OPN3: variants seen among roughly 807,000 people sequenced by gnomAD.
OPN3 encodes opsin-3.
Under a neutral mutation model 33.8 loss-of-function variants are expected in OPN3, and 29 were observed. That is an observed-to-expected ratio of 0.86 (90% CI 0.64 to 1.17). The LOEUF is 1.17. Ranked by LOEUF, OPN3 falls within the 50% of genes most tolerant of loss-of-function variation. The pLI is 0.00. For missense variants in OPN3, 437 were observed against 514.1 expected (o/e 0.85, Z 1.45); for synonymous variants, 216 against 216.1 (o/e 1.00, Z 0.00).
intron 2 of OPN3, among the ~76,000 whole-genome samples, chr1:241,599,967 T>C (rs1663637614): frequency 6.6e-6 from 1 of 152,216 alleles, no homozygotes. Context: ...TCTGGAATCA[T>C]TATTGACTCT....
Position 241,635,016 on chromosome 1 carries a change from A to G in OPN3, c.373+4866T>C. 3 of 1,613,480 alleles carry G rather than the reference A, an allele frequency of 1.9e-6. No individual in the cohort carries two copies. The South Asian group carries it at 3.3e-5, about 18-fold the overall frequency. On this transcript the variant is annotated intron_variant, in intron 1 of 3. Transcript: ENST00000366554. Reference sequence around the variant, plus strand: ...AATTCTACATAACGACTAACATCTGATTTGATTAAAAGATCAATTAGCAAT... The same window carrying G: ...AATTCTACATAACGACTAACATCTGGTTTGATTAAAAGATCAATTAGCAAT...
intron 1 of OPN3, among the ~76,000 whole-genome samples, chr1:241,638,072 A>G (rs1664968212): frequency 6.6e-6 from 1 of 152,196 alleles, no homozygotes; most frequent in African/African-American, 2.4e-5. Flanking sequence ...CTCTATAGTA[A>G]CTTCACTACT....
chr1:241,610,480 G>T (rs1663960484), intron 1 of OPN3, among the ~76,000 whole-genome samples: 1 of 152,134 alleles, frequency 6.6e-6, no homozygotes, highest in South Asian at 2.1e-4. Context: ...TCAAGGCCAA[G>T]GATACAGTAT....
intron 2 of OPN3, among the ~76,000 whole-genome samples, chr1:241,603,996 T>G (rs1663751693): frequency 6.6e-6 from 1 of 152,208 alleles, no homozygotes; most frequent in Admixed American, 6.5e-5. Flanking sequence ...TGTAGGGTTT[T>G]TTGGTTGCTG....
At chr1:241,596,377 G>T (rs1435573415) in intron 3 of OPN3, among the ~76,000 whole-genome samples, 1 of 152,134 alleles carries the variant, frequency 6.6e-6, no homozygotes, top group Non-Finnish European at 1.5e-5. Context: ...GGAATGTTTA[G>T]GTCCTATGGA....
rs1450411886 is a variant in OPN3, at chr1:241,640,074, G to A, written c.181C>T (p.Leu61=). The A allele has an allele frequency of 1.2e-6, 2 of 1,611,210 alleles. No homozygotes were observed. Among genetic ancestry groups the A allele is most frequent in the Non-Finnish European group, 1.7e-6 (2 of 1,179,014 alleles). ...AACTTGTAGTAGAGGACGAGCACCA[G>A]CAGGTTGTTGCCGACGCCCAGCAGC... ...IGLLGVGNNL[L]VLVLYYKFQR... The change falls in exon 1 of 4, where the codon CTG becomes TTG. Residue 61 remains leucine (L), a synonymous_variant. Coordinates refer to ENST00000366554, the MANE Select transcript of OPN3 (RefSeq NM_014322.3).
At chr1:241,603,955 T>C (rs1243404793) in intron 2 of OPN3, among the ~76,000 whole-genome samples, 5 of 152,248 alleles carry the variant, frequency 3.3e-5, no homozygotes, top group Admixed American at 1.3e-4. Context: ...TTCCCTCTTT[T>C]AAATTCTTAA....
intron 1 of OPN3, among the ~76,000 whole-genome samples, chr1:241,617,216 C>T (rs530015412): frequency 6.6e-6 from 1 of 152,292 alleles, no homozygotes; most frequent in East Asian, 1.9e-4. Flanking sequence ...TGAATGAGAA[C>T]CCAGACCTTC....
In OPN3 at chr1:241,595,065, T is replaced by C. The variant is rs1051157849; in HGVS notation, c.946-374A>G. On this transcript the variant is annotated intron_variant, in intron 3 of 3. Transcript: ENST00000366554. ...CACTGTGCTATAATTAGAGACTTTT[T>C]ACTATAAGCATCAAAAACAGATAAG... The C allele has an allele frequency of 2.4e-5, 4 of 163,780 alleles. No homozygotes were observed. The Admixed American group carries it at 2.5e-4, about 10-fold the overall frequency. 10.1% of individuals were successfully genotyped at this position (163,780 alleles called of 1,614,324 possible). A position where few individuals can be genotyped will look rare whatever the true frequency, so the allele number is the denominator to read the frequency against.
intron 2 of OPN3, among the ~76,000 whole-genome samples, chr1:241,602,952 G>T (rs1663714393): frequency 6.6e-6 from 1 of 152,176 alleles, no homozygotes; most frequent in Non-Finnish European, 1.5e-5. Flanking sequence ...AGTCACCAAT[G>T]GTTCTTTGAG....
At position 241,640,139 on chromosome 1, in the gene OPN3, CCGGGGCTGAAGAGGGGCG is replaced by C; in HGVS notation, c.98_115del (p.Ala33_Pro38del). 6.3e-7 allele frequency: 1 copy of C among 1,584,484 alleles called. No individual in the cohort carries two copies. The highest frequency in any genetic ancestry group is 1.8e-5 in the Admixed American group (1 of 56,340). Reference sequence around the variant, plus strand: ...CAGCAGCGCCAGGCGCTCGTAGGTGCCGGGGCTGAAGAGGGGCGCGGGGCTCAGTGTCCCCGCCGGCGC... The same window carrying C: ...CAGCAGCGCCAGGCGCTCGTAGGTGCCGGGGCTCAGTGTCCCCGCCGGCGC... On this transcript the variant is annotated inframe_deletion, in exon 1 of 4. Transcript: ENST00000366554.
intron 1 of OPN3, among the ~76,000 whole-genome samples, chr1:241,617,280 C>A (rs1233682577): frequency 1.3e-5 from 2 of 152,174 alleles, no homozygotes; most frequent in African/African-American, 4.8e-5. Context: ...TTACACAAAG[C>A]AAGTTGTTTC....
chr1:241,616,542 T>C (rs1307696903), intron 1 of OPN3, among the ~76,000 whole-genome samples: 3 of 152,204 alleles, frequency 2.0e-5, no homozygotes. Context: ...AATTAAATTG[T>C]AAACTTAAGT....
At chr1:241,608,420 CA>C (rs2148004930) in intron 1 of OPN3, among the ~76,000 whole-genome samples, 1 of 152,298 alleles carries the variant, frequency 6.6e-6, no homozygotes, top group Non-Finnish European at 1.5e-5. Flanking sequence ...AACCAACCCT[CA>C]TGGCCTTAAG....
intron 1 of OPN3, among the ~76,000 whole-genome samples, chr1:241,611,039 T>G (rs1337090071): frequency 2.0e-5 from 3 of 152,192 alleles, no homozygotes; most frequent in Non-Finnish European, 4.4e-5. Context: ...TAAATTGCTT[T>G]AAGTAGTAGA....
Position 241,597,210 on chromosome 1 carries a change from A to G in OPN3, c.945+536T>C, listed in dbSNP as rs1392180874. ...ATAACAACCCAGGCCAATTGCTACAAGTATCTATAACCCCAAGTGAGGAGT... is the reference window on the plus strand; with the variant it reads ...ATAACAACCCAGGCCAATTGCTACAGGTATCTATAACCCCAAGTGAGGAGT... On this transcript the variant is annotated intron_variant, in intron 3 of 3. Coordinates refer to ENST00000366554, the MANE Select transcript of OPN3 (RefSeq NM_014322.3). 3.3e-5 allele frequency among the ~76,000 whole-genome samples: 5 copies of G among 152,200 alleles called. No individual in the cohort carries two copies. In the East Asian group the frequency reaches 9.6e-4, roughly 29 times the overall value.
Position 241,635,788 on chromosome 1 carries a change from G to C in OPN3, c.373+4094C>G, listed in dbSNP as rs764514223. 11 of 1,591,896 alleles carry C rather than the reference G, an allele frequency of 6.9e-6. No individual in the cohort carries two copies. In the East Asian group the frequency reaches 1.1e-4, roughly 16 times the overall value. On this transcript the variant is annotated intron_variant, in intron 1 of 3. Coordinates refer to ENST00000366554, the MANE Select transcript of OPN3 (RefSeq NM_014322.3). ...CCATTTTAGGAAGTAACAGCGTCTG[G>C]TGACAACTGCTGATGAAAGAAATGA...
At chr1:241,626,305 G>C (rs1335153028) in intron 1 of OPN3, among the ~76,000 whole-genome samples, 1 of 152,142 alleles carries the variant, frequency 6.6e-6, no homozygotes, top group East Asian at 1.9e-4. Flanking sequence ...TCGTTGCGGG[G>C]GGGTACCTGT....
At chr1:241,620,462 G>A (rs1664245756) in intron 1 of OPN3, among the ~76,000 whole-genome samples, 1 of 152,140 alleles carries the variant, frequency 6.6e-6, no homozygotes, top group African/African-American at 2.4e-5. Context: ...AATTAGTGCT[G>A]TTGTAAGAGG....
Sources: gnomAD v4.1 joint callset for allele counts (sites outside exome capture counted in the v4.1 genomes callset) on GRCh38, gnomAD v4.1.1 for gene constraint, MANE v1.5 for transcripts, NCBI Gene and HGNC (gene_info 2026-07-23, HGNC 2026-07-21) for gene names.